LRRC4C: variants seen among roughly 807,000 people sequenced by gnomAD.
LRRC4C encodes leucine rich repeat containing 4C, also known as leucine-rich repeat-containing protein 4C.
LRRC4C carries 5 observed loss-of-function variants against 33.6 expected under a neutral mutation model. The ratio of observed to expected loss-of-function variants is 0.15; its 90% CI spans 0.08 to 0.31. LRRC4C has a LOEUF of 0.31. LRRC4C is among the 10% of genes least tolerant of loss of function. The pLI, the probability that LRRC4C is intolerant of heterozygous loss-of-function variation, is 1.00. For synonymous variants in LRRC4C, 329 were observed against 302.0 expected (o/e 1.09, Z -0.93); for missense variants, 560 against 796.7 (o/e 0.70, Z 3.58).
intron 2 of LRRC4C, among the ~76,000 whole-genome samples, chr11:40,738,637 C>T (rs887655789): frequency 2.6e-5 from 4 of 152,040 alleles, no homozygotes; most frequent in Admixed American, 6.6e-5. Context: ...AGACACAAAA[C>T]TTTAGCTCTC....
chr11:41,321,056 T>C (rs769218786), intron 1 of LRRC4C, among the ~76,000 whole-genome samples: 27 of 152,240 alleles, frequency 1.8e-4, no homozygotes, highest in African/African-American at 6.5e-4. Flanking sequence ...CCCTGCTTCT[T>C]CTTCTGCTGT....
chr11:40,577,273 C>A (rs1188594261), intron 3 of LRRC4C, among the ~76,000 whole-genome samples: 1 of 152,120 alleles, frequency 6.6e-6, no homozygotes, highest in Non-Finnish European at 1.5e-5. Context: ...ATGGGAAAAC[C>A]AAGCTTCTAG....
chr11:40,683,082 G>A (rs768808707), intron 2 of LRRC4C, among the ~76,000 whole-genome samples: 11 of 152,186 alleles, frequency 7.2e-5, no homozygotes, highest in Non-Finnish European at 1.3e-4. Context: ...GAGAATACAA[G>A]GAAGAACTTT....
intron 1 of LRRC4C, among the ~76,000 whole-genome samples, chr11:40,951,827 T>C (rs1207076839): frequency 2.0e-5 from 3 of 151,970 alleles, no homozygotes; most frequent in African/African-American, 7.2e-5. Context: ...TCACTTTTTA[T>C]TGAGTAGCAC....
intron 3 of LRRC4C, among the ~76,000 whole-genome samples, chr11:40,472,662 G>C (rs1953001855): frequency 6.6e-6 from 1 of 151,690 alleles, no homozygotes; most frequent in African/African-American, 2.4e-5. Flanking sequence ...AAAAATCAAT[G>C]AATCCAGGAG....
At chr11:41,406,515 T>C (rs1954238286) in intron 1 of LRRC4C, among the ~76,000 whole-genome samples, 1 of 152,108 alleles carries the variant, frequency 6.6e-6, no homozygotes, top group Non-Finnish European at 1.5e-5. Flanking sequence ...GTCTCTGTAC[T>C]TACGCAATGT....
At chr11:41,141,601 C>T (rs1238813430) in intron 1 of LRRC4C, among the ~76,000 whole-genome samples, 1 of 152,046 alleles carries the variant, frequency 6.6e-6, no homozygotes, top group Non-Finnish European at 1.5e-5. Flanking sequence ...CGGTTTCTTC[C>T]ATGCTCTTCT....
intron 1 of LRRC4C, among the ~76,000 whole-genome samples, chr11:41,407,318 T>C (rs78745710): frequency 3.4e-4 from 51 of 151,588 alleles, no homozygotes; most frequent in Non-Finnish European, 5.7e-4. Context: ...TTTTTTTTTT[T>C]TGAGACAGGG....
chr11:40,862,995 G>A (rs12281223), intron 2 of LRRC4C, among the ~76,000 whole-genome samples: 67,660 of 152,070 alleles, frequency 0.44, 17,603 homozygotes, highest in African/African-American at 0.73. Context: ...CACGGAACAC[G>A]TTATTTTGGA....
At chr11:40,128,108 C>G (rs905564488) in intron 6 of LRRC4C, among the ~76,000 whole-genome samples, 1 of 152,138 alleles carries the variant, frequency 6.6e-6, no homozygotes, top group Non-Finnish European at 1.5e-5. Context: ...ACTGTTTGAT[C>G]TTTGGTAAAT....
At chr11:41,419,277 A>G (rs16935697) in intron 1 of LRRC4C, among the ~76,000 whole-genome samples, 7,952 of 151,960 alleles carry the variant, frequency 0.052, 418 homozygotes, top group African/African-American at 0.14. Flanking sequence ...GACCCATGAT[A>G]TAGTCAATTT....
chr11:40,380,062 G>A (rs913563662), intron 3 of LRRC4C, among the ~76,000 whole-genome samples: 1 of 152,152 alleles, frequency 6.6e-6, no homozygotes, highest in Non-Finnish European at 1.5e-5. Context: ...AATTGTGAGA[G>A]CATGTATATT....
chr11:40,344,644 G>A (rs1036250769), intron 3 of LRRC4C, among the ~76,000 whole-genome samples: 2 of 151,996 alleles, frequency 1.3e-5, no homozygotes, highest in East Asian at 1.9e-4. Context: ...GTACTGGAAG[G>A]CCTGGCCTGA....
intron 3 of LRRC4C, among the ~76,000 whole-genome samples, chr11:40,391,064 T>C (rs1949315252): frequency 6.6e-6 from 1 of 152,018 alleles, no homozygotes; most frequent in South Asian, 2.1e-4. Flanking sequence ...GTATTTTTAG[T>C]ATAGATGGGG....
rs575581011 is a variant in LRRC4C at position 40,127,731 on chromosome 11, G to A, written c.-42-11397C>T. The stretch of plus-strand genomic sequence containing the variant: ...TCTGATTATCTGACTACTGAGATGT[G>A]TATAGTTCAAATTAATACGCCCCAG... On this transcript the variant is annotated intron_variant, in intron 6 of 6. Coordinates refer to ENST00000528697, the MANE Select transcript of LRRC4C (RefSeq NM_001258419.2). 3.9e-5 allele frequency among the ~76,000 whole-genome samples: 6 copies of A among 152,290 alleles called. No homozygotes were observed. The South Asian group carries it at 1.2e-3, about 32-fold the overall frequency.
At chr11:40,334,819 C>G (rs1358669572) in intron 3 of LRRC4C, among the ~76,000 whole-genome samples, 1 of 152,142 alleles carries the variant, frequency 6.6e-6, no homozygotes, top group Non-Finnish European at 1.5e-5. Context: ...TTCCCTCACT[C>G]CTGCGCTACC....
At chr11:40,619,584 A>T (rs897825237) in intron 3 of LRRC4C, among the ~76,000 whole-genome samples, 6 of 151,692 alleles carry the variant, frequency 4.0e-5, no homozygotes, top group Non-Finnish European at 7.4e-5. Context: ...TGTTTCACTC[A>T]ACCTCTGGCT....
intron 1 of LRRC4C, among the ~76,000 whole-genome samples, chr11:41,280,370 A>G (rs1307812021): frequency 6.6e-6 from 1 of 152,194 alleles, no homozygotes; most frequent in Non-Finnish European, 1.5e-5. Context: ...GGAGGGAAAC[A>G]GGAAGTTTTG....
At chr11:41,415,257 T>C (rs567033575) in intron 1 of LRRC4C, among the ~76,000 whole-genome samples, 12 of 152,254 alleles carry the variant, frequency 7.9e-5, no homozygotes, top group African/African-American at 2.9e-4. Context: ...AAGTACTTCC[T>C]GTAAGTGCCA....
Sources: allele counts gnomAD v4.1 joint callset (sites outside exome capture counted in the v4.1 genomes callset), GRCh38; gene constraint gnomAD v4.1.1; transcripts MANE v1.5; gene names NCBI Gene and HGNC (gene_info 2026-07-23, HGNC 2026-07-21).